The following KCNAB1 variants were observed in gnomAD, a reference collection of about 807,000 sequenced individuals.
KCNAB1 encodes the protein potassium voltage-gated channel subfamily A regulatory beta subunit 1, also known as voltage-gated potassium channel subunit beta-1.
KCNAB1 carries 35 observed loss-of-function variants against 64.6 expected under a neutral mutation model. The ratio of observed to expected loss-of-function variants is 0.54; its 90% CI spans 0.41 to 0.72. The LOEUF (loss-of-function observed/expected upper bound fraction) is 0.72. Ranked by LOEUF, KCNAB1 falls within the 30% of genes least tolerant of loss-of-function variation. KCNAB1 has a pLI of 0.00. For missense variants in KCNAB1, 401 were observed against 512.9 expected (o/e 0.78, Z 2.11); for synonymous variants, 177 against 183.8 (o/e 0.96, Z 0.30).
intron 1 of KCNAB1, among the ~76,000 whole-genome samples, chr3:156,147,841 A>G (rs1378392811): frequency 6.6e-6 from 1 of 152,100 alleles, no homozygotes; most frequent in Non-Finnish European, 1.5e-5. Context: ...CAACAAAACT[A>G]GGACTAGAAC....
At position 156,486,391 on chromosome 3, in the gene KCNAB1, A is replaced by G. The variant is rs758773102; in HGVS notation, c.658+11571A>G. Among the ~76,000 whole-genome samples the G allele has an allele frequency of 3.3e-5, 5 of 152,168 alleles. No individual in the cohort carries two copies. In the East Asian group the frequency reaches 7.7e-4, roughly 23 times the overall value. ...AGGGGGTCTAGTGAGAAGGGCACGT[A>G]TGAAGAAAACTGTGCTGTGAGCTCC... On this transcript the variant is annotated intron_variant, in intron 8 of 13. Transcript: ENST00000490337.
intron 1 of KCNAB1, among the ~76,000 whole-genome samples, chr3:156,147,568 G>C (rs756366568): frequency 9.2e-5 from 14 of 151,908 alleles, no homozygotes; most frequent in Non-Finnish European, 1.9e-4. Flanking sequence ...GAATGACAGG[G>C]CTTCTCCAGG....
At chr3:156,454,594 C>T (rs779274968) in intron 3 of KCNAB1, among the ~76,000 whole-genome samples, 4 of 152,044 alleles carry the variant, frequency 2.6e-5, no homozygotes, top group Non-Finnish European at 5.9e-5. Context: ...CTACAGGACT[C>T]TGTCTGACTG....
intron 8 of KCNAB1, among the ~76,000 whole-genome samples, chr3:156,509,069 A>G (rs1055263660): frequency 1.4e-5 from 2 of 146,652 alleles, no homozygotes; most frequent in Admixed American, 1.3e-4. Flanking sequence ...ATGGTGGTGG[A>G]GTGGGGCGGA....
chr3:156,291,725 C>T, intron 1 of KCNAB1: 1 of 1,443,726 alleles, frequency 6.9e-7, no homozygotes, highest in Non-Finnish European at 9.1e-7. Flanking sequence ...GCATCGCAGC[C>T]CCTTGTGCCA....
chr3:156,294,892 G>A (rs1456032534), intron 1 of KCNAB1, among the ~76,000 whole-genome samples: 1 of 152,128 alleles, frequency 6.6e-6, no homozygotes, highest in Non-Finnish European at 1.5e-5. Context: ...CTCAAAAACT[G>A]TCAAACAGCA....
chr3:156,532,588 T>A (rs538938677), intron 13 of KCNAB1, among the ~76,000 whole-genome samples: 3 of 152,298 alleles, frequency 2.0e-5, no homozygotes, highest in African/African-American at 4.8e-5. Flanking sequence ...AAATCTTTTT[T>A]AAAAATAGCC....
At chr3:156,374,346 C>T (rs1258117943) in intron 1 of KCNAB1, among the ~76,000 whole-genome samples, 3 of 152,136 alleles carry the variant, frequency 2.0e-5, no homozygotes, top group Non-Finnish European at 4.4e-5. Context: ...TGGAGAGGAG[C>T]GAAAAACTAA....
chr3:156,384,469 T>G (rs1201285502), intron 1 of KCNAB1, among the ~76,000 whole-genome samples: 1 of 152,208 alleles, frequency 6.6e-6, no homozygotes, highest in East Asian at 1.9e-4. Context: ...GACCAAAGGT[T>G]GTTCTAGAAA....
chr3:156,316,662 G>A (rs983832099), intron 1 of KCNAB1, among the ~76,000 whole-genome samples: 7 of 152,258 alleles, frequency 4.6e-5, no homozygotes, highest in African/African-American at 1.7e-4. Context: ...GAAGAGGGGA[G>A]CAGCTGCCAG....
intron 5 of KCNAB1, among the ~76,000 whole-genome samples, chr3:156,462,054 T>C (rs1355561676): frequency 6.6e-6 from 1 of 152,214 alleles, no homozygotes; most frequent in African/African-American, 2.4e-5. Flanking sequence ...AGCATAACAG[T>C]TCATGAAGTG....
chr3:156,182,052 G>A (rs1355331695), intron 1 of KCNAB1, among the ~76,000 whole-genome samples: 5 of 152,104 alleles, frequency 3.3e-5, no homozygotes, highest in African/African-American at 7.2e-5. Context: ...CTTCTTTTTA[G>A]TATTATTCAA....
intron 8 of KCNAB1, among the ~76,000 whole-genome samples, chr3:156,512,734 T>C (rs371983429): frequency 1.6e-3 from 237 of 152,384 alleles, no homozygotes; most frequent in African/African-American, 5.5e-3. Context: ...TTTAATCATA[T>C]GTTTTATAAA....
rs543299086 is a variant in KCNAB1 at position 156,465,212 on chromosome 3, G to C, written c.528-431G>C. The stretch of plus-strand genomic sequence containing the variant: ...TAAAATTTATTTTGGAAGTCAAAAG[G>C]CACTTCCAAATTTGCTTCCTTTATC... On this transcript the variant is annotated intron_variant, in intron 6 of 13. Transcript: ENST00000490337. Among the ~76,000 whole-genome samples the C allele has an allele frequency of 3.9e-5, 6 of 152,216 alleles. No individual in the cohort carries two copies. The South Asian group carries it at 1.0e-3, about 26-fold the overall frequency.
chr3:156,226,829 T>C (rs1338447509), intron 1 of KCNAB1, among the ~76,000 whole-genome samples: 1 of 152,230 alleles, frequency 6.6e-6, no homozygotes, highest in African/African-American at 2.4e-5. Flanking sequence ...CTCTCTCTTA[T>C]GTAAGCGATA....
intron 1 of KCNAB1, among the ~76,000 whole-genome samples, chr3:156,304,112 G>A (rs78242040): frequency 0.027 from 4,044 of 152,198 alleles, 191 homozygotes; most frequent in African/African-American, 0.094. Context: ...TAGAACATTC[G>A]TAAAATGTTA....
At chr3:156,518,486 AGG>A in intron 11 of KCNAB1, among the ~76,000 whole-genome samples, 1 of 152,164 alleles carries the variant, frequency 6.6e-6, no homozygotes, top group African/African-American at 2.4e-5. Flanking sequence ...AAAAGAAAGA[AGG>A]AAGGAAGGAA....
chr3:156,420,946 T>C (rs1263953037), intron 1 of KCNAB1, among the ~76,000 whole-genome samples: 6 of 150,048 alleles, frequency 4.0e-5, no homozygotes, highest in Non-Finnish European at 7.4e-5. Flanking sequence ...TAAATATATA[T>C]ACACACACAC....
intron 2 of KCNAB1, among the ~76,000 whole-genome samples, chr3:156,440,874 G>A (rs2108260252): frequency 6.6e-6 from 1 of 152,226 alleles, no homozygotes; most frequent in Admixed American, 6.5e-5. Flanking sequence ...AAATTTGAGT[G>A]TAATATGGTT....
Sources: allele counts gnomAD v4.1 joint callset (sites outside exome capture counted in the v4.1 genomes callset), GRCh38; gene constraint gnomAD v4.1.1; transcripts MANE v1.5; gene names NCBI Gene and HGNC (gene_info 2026-07-23, HGNC 2026-07-21).